USP36: variants seen among roughly 807,000 people sequenced by gnomAD.
The protein encoded by USP36 is ubiquitin specific peptidase 36.
Under a neutral mutation model 111.5 loss-of-function variants are expected in USP36, and 59 were observed. The observed-to-expected ratio is 0.53, with a 90% CI of 0.43 to 0.66. The LOEUF (loss-of-function observed/expected upper bound fraction) is 0.66. USP36 is among the 30% of genes least tolerant of loss of function. The probability of loss-of-function intolerance (pLI) is 0.00; values close to 1 mark genes in which losing one functional copy is unlikely to be tolerated. For missense variants in USP36, 1,488 were observed against 1,468.0 expected (o/e 1.01, Z -0.22); for synonymous variants, 628 against 581.0 (o/e 1.08, Z -1.16).
chr17:78,840,201 G>A (rs1228301222), intron 1 of USP36: 1 of 152,290 alleles, frequency 6.6e-6, no homozygotes, highest in Non-Finnish European at 1.5e-5. Flanking sequence ...CGTGTGTCTG[G>A]GTTTGGCGGC....
At chr17:78,831,118 C>G (rs900189289) in intron 4 of USP36, among the ~76,000 whole-genome samples, 1 of 146,038 alleles carries the variant, frequency 6.8e-6, no homozygotes, top group Non-Finnish European at 1.5e-5. Context: ...CCCAGCTACT[C>G]GGGAGGCTGA....
intron 5 of USP36, 74 bp downstream of exon 5, chr17:78,828,823 A>C: frequency 7.0e-7 from 1 of 1,436,730 alleles, no homozygotes; most frequent in South Asian, 1.2e-5. Context: ...TGGGCAACAT[A>C]GCGAGAACCC....
rs148308500 is a variant in USP36 at position 78,801,495 on chromosome 17, C to T, written c.3022+829G>A. On this transcript the variant is annotated intron_variant, in intron 17 of 20. Coordinates refer to ENST00000449938, the MANE Select transcript of USP36 (RefSeq NM_001385174.1). Reference sequence around the variant, plus strand: ...AGAGGAGGCCTCACTCAAGCTCGGCCCCCTATACCAAGCAGCCAGGACTTT... The same window carrying T: ...AGAGGAGGCCTCACTCAAGCTCGGCTCCCTATACCAAGCAGCCAGGACTTT... 3.9e-3 allele frequency among the ~76,000 whole-genome samples: 598 copies of T among 152,328 alleles called. 9 individuals carry two copies. Among genetic ancestry groups the T allele is most frequent in the Admixed American group, 0.035 (534 of 15,298 alleles).
At chr17:78,801,494 C>T (rs1190608292) in intron 17 of USP36, among the ~76,000 whole-genome samples, 2 of 152,230 alleles carry the variant, frequency 1.3e-5, no homozygotes, top group Non-Finnish European at 2.9e-5. Context: ...TCAAGCTCGG[C>T]CCCCTATACC....
At position 78,806,244 on chromosome 17, in the gene USP36, G is replaced by A. The variant is rs1280276345; in HGVS notation, c.2128C>T (p.Pro710Ser). Reference sequence around the variant, plus strand: ...AGGTCGGAGGATGGTGAGGGGGGAGGTGGACGGAGGTCATTGCCGGTCGCC... The same window carrying A: ...AGGTCGGAGGATGGTGAGGGGGGAGATGGACGGAGGTCATTGCCGGTCGCC... ...WRATGNDLRPPPPSPSSDLTH... is the reference protein window; with the variant it reads ...WRATGNDLRPSPPSPSSDLTH... The change falls in exon 15 of 21, where the codon CCT (proline) becomes TCT (serine). Residue 710 changes from proline (P) to serine (S), a missense_variant. By Grantham distance (74) the Pro-to-Ser change is moderately conservative. This residue lies in a region of USP36 where 1,073 missense variants were observed against 994.1 expected (regional missense o/e 1.08). Coordinates refer to ENST00000449938, the MANE Select transcript of USP36 (RefSeq NM_001385174.1). The A allele has an allele frequency of 6.2e-7, 1 of 1,613,858 alleles. No homozygotes were observed. The highest frequency in any genetic ancestry group is 8.5e-7 in the Non-Finnish European group (1 of 1,180,004).
In USP36 at chr17:78,821,003, C is replaced by T. The variant is rs201177319; in HGVS notation, c.816G>A (p.Ala272=). 1.6e-5 allele frequency: 26 copies of T among 1,608,786 alleles called. No homozygotes were observed. Among genetic ancestry groups the T allele is most frequent in the South Asian group, 1.2e-4 (11 of 90,002 alleles). Residue 272 remains alanine, a synonymous_variant, in exon 8 of 21, where the codon GCG becomes GCA. Transcript: ENST00000449938. The part of the protein sequence containing the change: ...SDTYDPYLDV[A]LEIRQAANIV... ...GACAGATCTGTACCCGGATCTCCAGCGCGACGTCCAAGTAGGGGTCGTAGG... is the reference window on the plus strand; with the variant it reads ...GACAGATCTGTACCCGGATCTCCAGTGCGACGTCCAAGTAGGGGTCGTAGG...
intron 13 of USP36, among the ~76,000 whole-genome samples, chr17:78,810,636 T>C (rs948922333): frequency 1.3e-5 from 2 of 152,214 alleles, no homozygotes; most frequent in Non-Finnish European, 2.9e-5. Flanking sequence ...TTTGCAATTA[T>C]ATCATGTATT....
rs138324901 is a variant in USP36 at position 78,835,397 on chromosome 17, C to A, written c.358G>T (p.Val120Leu). Residue 120 changes from valine (V) to leucine (L), a missense_variant, in exon 4 of 21, where the codon GTG (valine) becomes TTG (leucine). Val to Leu is a conservative substitution (Grantham distance 32). Coordinates refer to ENST00000449938, the MANE Select transcript of USP36 (RefSeq NM_001385174.1). ...LSLRWERVFR[V>L]GAGLHNLGNT... ...CCAAGGTTGTGGAGTCCTGCGCCCA[C>A]GCGGAAGACCCGCTCCCACCTCAGA... The A allele has an allele frequency of 2.5e-6, 4 of 1,614,126 alleles. No individual in the cohort carries two copies. The highest frequency in any genetic ancestry group is 3.3e-5 in the Admixed American group (2 of 60,008).
rs758654740 is a variant in USP36 at position 78,836,271 on chromosome 17, A to T, written c.93T>A (p.Ser31=). ...DGELGKLLAS[S]AKKVLLQKIE... ...TTTTCTGTAAAAGGACCTTCTTGGC[A>T]GAGGAGGCAAGAAGCTTCCCCAGTT... is the stretch of plus-strand genomic sequence containing the variant. The change falls in exon 3 of 21, where the codon TCT becomes TCA. Residue 31 remains serine, a synonymous_variant. Coordinates refer to ENST00000449938, the MANE Select transcript of USP36 (RefSeq NM_001385174.1). 1 of 1,614,156 alleles carries T rather than the reference A, an allele frequency of 6.2e-7. No individual in the cohort carries two copies.
rs775098038 is a variant in USP36 at position 78,807,137 on chromosome 17, T to A, written c.1907A>T (p.His636Leu). 68 of 1,614,080 alleles carry A rather than the reference T, an allele frequency of 4.2e-5. No individual in the cohort carries two copies. Among genetic ancestry groups the A allele is most frequent in the Non-Finnish European group, 5.6e-5 (66 of 1,180,034 alleles). Residue 636 changes from histidine to leucine, a missense_variant, in exon 14 of 21, where the codon CAT (histidine) becomes CTT (leucine). Coordinates refer to ENST00000449938, the MANE Select transcript of USP36 (RefSeq NM_001385174.1). ...APQTPRSGAA[H>L]LCDSQETNCS... Reference sequence around the variant, plus strand: ...GTTCGTTTCCTGAGAATCGCAGAGATGGGCCGCTCCACTCCTGGGGGTCTG... The same window carrying A: ...GTTCGTTTCCTGAGAATCGCAGAGAAGGGCCGCTCCACTCCTGGGGGTCTG...
intron 2 of USP36, 128 bp from the exon 3 acceptor site, chr17:78,836,500 C>A: frequency 3.3e-6 from 4 of 1,224,744 alleles, no homozygotes; most frequent in Non-Finnish European, 4.4e-6. Flanking sequence ...TCAGTGATCC[C>A]CTGGATCAGC....
downstream of USP36, among the ~76,000 whole-genome samples, chr17:78,793,068 G>A (rs2093596909): frequency 1.3e-5 from 2 of 150,322 alleles, no homozygotes; most frequent in Non-Finnish European, 3.0e-5. Context: ...CTCACCCATA[G>A]ATTCTGATTC....
chr17:78,836,309 C>A lies in USP36; in HGVS notation c.55G>T (p.Ala19Ser). ...EALKPGRKDS[A>S]DDGELGKLLA... Reference sequence around the variant, plus strand: ...AGCTTCCCCAGTTCTCCATCATCAGCCGAGTCCTTGCGGCCGGGTTTCAGG... The same window carrying A: ...AGCTTCCCCAGTTCTCCATCATCAGACGAGTCCTTGCGGCCGGGTTTCAGG... Residue 19 changes from alanine to serine, a missense_variant, in exon 3 of 21, where the codon GCT becomes TCT. By Grantham distance (99) the Ala-to-Ser change is moderately conservative (BLOSUM62 1). Around this residue, in one of 3 missense-constraint regions of USP36, gnomAD observed 219 missense variants for 209.5 expected, o/e 1.05. Coordinates refer to ENST00000449938, the MANE Select transcript of USP36 (RefSeq NM_001385174.1). The A allele has an allele frequency of 6.2e-7, 1 of 1,614,216 alleles. No individual in the cohort carries two copies. Among genetic ancestry groups the A allele is most frequent in the African/African-American group, 1.3e-5 (1 of 75,064 alleles).
rs758733744 is a variant in USP36 at position 78,835,467 on chromosome 17, T to A, written c.288A>T (p.Gly96=). 17 of 1,610,754 alleles carry A rather than the reference T, an allele frequency of 1.1e-5. No homozygotes were observed. Among genetic ancestry groups the A allele is most frequent in the Non-Finnish European group, 1.4e-5 (17 of 1,178,372 alleles). Residue 96 remains glycine, a synonymous_variant, in exon 4 of 21, where the codon GGA becomes GGT. Transcript: ENST00000449938. ...SEHTYESCGD[G]VPAPQKVLFP... is the part of the protein sequence containing the mutation. ...AAAGCACTTTCTGCGGGGCTGGGAC[T>A]CCGTCACCACAGCTCTCATACGTGT...
chr17:78,836,394 T>A (rs188532641), intron 2 of USP36, 22 bp from the exon 3 acceptor site: 1 of 1,607,390 alleles, frequency 6.2e-7, no homozygotes, highest in East Asian at 2.2e-5. Context: ...AGAAGAAACA[T>A]AGAGCCATAG....
At chr17:78,800,077 G>A (rs1275569468) in intron 17 of USP36, among the ~76,000 whole-genome samples, 3 of 149,868 alleles carry the variant, frequency 2.0e-5, no homozygotes, top group Non-Finnish European at 4.4e-5. Flanking sequence ...AGAGAAGGCT[G>A]TTGTCCAAGT....
intron 15 of USP36, among the ~76,000 whole-genome samples, chr17:78,805,474 G>A (rs988953824): frequency 1.3e-5 from 2 of 152,072 alleles, no homozygotes; most frequent in African/African-American, 4.8e-5. Flanking sequence ...AGAACCCAGC[G>A]CCGAGGCCAC....
intron 12 of USP36, 86 bp downstream of exon 12, chr17:78,813,687 C>A (rs771430214): frequency 2.1e-5 from 26 of 1,233,614 alleles, no homozygotes; most frequent in Non-Finnish European, 3.0e-5. Context: ...CAATTACCTT[C>A]AAACAAAAAA....
rs555395664 is a variant in USP36 at position 78,806,401 on chromosome 17, A to C, written c.2086-115T>G. 1.2e-3 allele frequency: 1,671 copies of C among 1,416,580 alleles called. 40 individuals carry two copies. The South Asian group carries it at 0.02, about 17-fold the overall frequency. The allele number at this position is 1,416,580 out of a possible 1,614,324, so 87.8% of individuals were successfully genotyped here. A position where few individuals can be genotyped will look rare whatever the true frequency, so the allele number is the denominator to read the frequency against. On this transcript the variant is annotated intron_variant, in intron 14 of 20. Transcript: ENST00000449938. The stretch of plus-strand genomic sequence containing the variant: ...TAAAAACAAAAGAGCCCAGAAAAAA[A>C]GATGAGGAGACAGAAGAAGACAAAA...
Sources: allele counts gnomAD v4.1 joint callset (sites outside exome capture counted in the v4.1 genomes callset), GRCh38; gene constraint gnomAD v4.1.1; regional missense constraint gnomAD v4.1.1; transcripts MANE v1.5; gene names NCBI Gene and HGNC (gene_info 2026-07-23, HGNC 2026-07-21).